Variants in PIP4K2A observed in about 807,000 individuals in gnomAD.
PIP4K2A encodes the protein phosphatidylinositol 5-phosphate 4-kinase type-2 alpha.
A neutral mutation model predicts 42.9 loss-of-function variants in PIP4K2A; 14 were observed. The ratio of observed to expected loss-of-function variants is 0.33; its 90% CI spans 0.22 to 0.51. PIP4K2A has a LOEUF of 0.51. PIP4K2A is among the 20% of genes least tolerant of loss of function. The pLI, the probability that PIP4K2A is intolerant of heterozygous loss-of-function variation, is 0.97. For missense variants in PIP4K2A, 434 were observed against 519.8 expected, an observed-to-expected ratio of 0.83 and a Z score of 1.61; for synonymous variants, 192 against 192.2, an observed-to-expected ratio of 1.00 and a Z score of 0.01.
intron 5 of PIP4K2A, among the ~76,000 whole-genome samples, chr10:22,570,743 T>C (rs892159104): frequency 2.0e-5 from 3 of 152,168 alleles, no homozygotes; most frequent in Non-Finnish European, 4.4e-5. Context: ...TCTTGATATT[T>C]GTATAAATAA....
At chr10:22,669,758 A>C (rs1839413802) in intron 1 of PIP4K2A, among the ~76,000 whole-genome samples, 1 of 152,190 alleles carries the variant, frequency 6.6e-6, no homozygotes, top group Admixed American at 6.5e-5. Context: ...GACTTTGTGC[A>C]ATCACTTTTT....
At chr10:22,662,726 A>G (rs1428947469) in intron 1 of PIP4K2A, among the ~76,000 whole-genome samples, 2 of 152,176 alleles carry the variant, frequency 1.3e-5, no homozygotes, top group Non-Finnish European at 2.9e-5. Flanking sequence ...ATATATTAGC[A>G]CAGTATATCT....
chr10:22,608,602 C>T (rs1837961334), intron 2 of PIP4K2A, among the ~76,000 whole-genome samples: 1 of 152,294 alleles, frequency 6.6e-6, no homozygotes, highest in South Asian at 2.1e-4. Flanking sequence ...TGGTGGCTTA[C>T]ACCACTCATT....
chr10:22,683,324 A>C (rs1385472460), intron 1 of PIP4K2A, among the ~76,000 whole-genome samples: 25 of 152,056 alleles, frequency 1.6e-4, no homozygotes, highest in Non-Finnish European at 3.7e-4. Context: ...ACAGTTTTTC[A>C]CAGTGATCCT....
At chr10:22,617,171 G>T (rs758260631) in intron 1 of PIP4K2A, among the ~76,000 whole-genome samples, 1 of 152,214 alleles carries the variant, frequency 6.6e-6, no homozygotes, top group Admixed American at 6.5e-5. Flanking sequence ...TTGTTTTTTC[G>T]TGTGAGACTG....
chr10:22,674,679 T>C lies in PIP4K2A; in HGVS notation c.144+39504A>G, dbSNP rs894235216. 3.9e-5 allele frequency among the ~76,000 whole-genome samples: 6 copies of C among 152,044 alleles called. No homozygotes were observed. The East Asian group carries it at 9.6e-4, about 24-fold the overall frequency. Reference sequence around the variant, plus strand: ...ATTTCCAGCCAGGCACAGTGATTCATGCCTGTAATCCCAGCACTTTGGGAG... The same window carrying C: ...ATTTCCAGCCAGGCACAGTGATTCACGCCTGTAATCCCAGCACTTTGGGAG... On this transcript the variant is annotated intron_variant, in intron 1 of 9. Coordinates refer to ENST00000376573, the MANE Select transcript of PIP4K2A (RefSeq NM_005028.5).
At chr10:22,664,154 C>CAT (rs66781717) in intron 1 of PIP4K2A, among the ~76,000 whole-genome samples, 23,366 of 61,564 alleles carry the variant, frequency 0.38, 4,780 homozygotes, top group Non-Finnish European at 0.42. Flanking sequence ...TATATATACA[C>CAT]ATATATATAT....
At chr10:22,570,731 C>A (rs868443273) in intron 5 of PIP4K2A, among the ~76,000 whole-genome samples, 2 of 151,988 alleles carry the variant, frequency 1.3e-5, no homozygotes, top group African/African-American at 2.4e-5. Context: ...CCTTTTTCAG[C>A]GTCTTGATAT....
At chr10:22,650,705 G>GCACA (rs1287122641) in intron 1 of PIP4K2A, among the ~76,000 whole-genome samples, 1 of 152,134 alleles carries the variant, frequency 6.6e-6, no homozygotes, top group Non-Finnish European at 1.5e-5. Context: ...ACTTCTCCAG[G>GCACA]CACAGCCTAG....
At chr10:22,672,871 T>A in intron 1 of PIP4K2A, among the ~76,000 whole-genome samples, 1 of 152,182 alleles carries the variant, frequency 6.6e-6, no homozygotes, top group East Asian at 1.9e-4. Flanking sequence ...GGTTAACATG[T>A]CATTCTCCAA....
In PIP4K2A at chr10:22,607,924, C is replaced by T; in HGVS notation, c.339+3G>A. ...GGAAGCAAATGTTACAAACGCAACT[C>T]ACCTGGAAATCTTGATCATCAATTC... On this transcript the variant is annotated splice_donor_region_variant and intron_variant, in intron 3 of 9. Transcript: ENST00000376573. The T allele has an allele frequency of 6.2e-7, 1 of 1,602,832 alleles. No individual in the cohort carries two copies. The highest frequency in any genetic ancestry group is 1.1e-5 in the South Asian group (1 of 90,588).
intron 1 of PIP4K2A, among the ~76,000 whole-genome samples, chr10:22,670,048 C>T (rs7090286): frequency 0.082 from 12,485 of 152,212 alleles, 677 homozygotes; most frequent in Middle Eastern, 0.2. Context: ...TCTTAATAAT[C>T]ATACCACATG....
intron 4 of PIP4K2A, among the ~76,000 whole-genome samples, chr10:22,585,525 G>C (rs1232523485): frequency 1.3e-5 from 2 of 151,934 alleles, no homozygotes; most frequent in African/African-American, 4.8e-5. Flanking sequence ...GGTATTTCTT[G>C]ATCACCTATA....
chr10:22,636,410 C>T (rs1436815726), intron 1 of PIP4K2A, among the ~76,000 whole-genome samples: 1 of 152,088 alleles, frequency 6.6e-6, no homozygotes, highest in Non-Finnish European at 1.5e-5. Context: ...TGCCACTACA[C>T]CCAGCTAATT....
intron 1 of PIP4K2A, among the ~76,000 whole-genome samples, chr10:22,695,947 C>T (rs1176799216): frequency 6.6e-6 from 1 of 152,142 alleles, no homozygotes; most frequent in Middle Eastern, 3.2e-3. Flanking sequence ...TCCCCCCACT[C>T]ATCTCACCTT....
intron 1 of PIP4K2A, among the ~76,000 whole-genome samples, chr10:22,664,250 C>CACACAT (rs1554807365): frequency 7.7e-6 from 1 of 129,308 alleles, no homozygotes; most frequent in South Asian, 2.3e-4. Flanking sequence ...CACACACACA[C>CACACAT]ATATATATAT....
At chr10:22,588,214 A>G (rs778992519) in intron 4 of PIP4K2A, among the ~76,000 whole-genome samples, 3 of 152,276 alleles carry the variant, frequency 2.0e-5, no homozygotes. Context: ...TGGACAAATT[A>G]GCAAAACGGT....
chr10:22,622,922 A>G (rs1838362221), intron 1 of PIP4K2A, among the ~76,000 whole-genome samples: 1 of 152,238 alleles, frequency 6.6e-6, no homozygotes, highest in Non-Finnish European at 1.5e-5. Context: ...TATTTCAAAA[A>G]AAAGAAGGAT....
intron 6 of PIP4K2A, among the ~76,000 whole-genome samples, chr10:22,565,012 T>G (rs1035309029): frequency 5.9e-5 from 9 of 152,186 alleles, no homozygotes; most frequent in African/African-American, 2.2e-4. Flanking sequence ...CACGAAGCAG[T>G]TCTTACAATG....
Sources: allele counts gnomAD v4.1 joint callset (sites outside exome capture counted in the v4.1 genomes callset), GRCh38; gene constraint gnomAD v4.1.1; transcripts MANE v1.5; gene names NCBI Gene and HGNC (gene_info 2026-07-23, HGNC 2026-07-21).